CASR: variants seen among roughly 807,000 people sequenced by gnomAD.
CASR encodes calcium sensing receptor, also known as extracellular calcium-sensing receptor.
CASR carries 23 observed loss-of-function variants against 69.1 expected under a neutral mutation model. The observed-to-expected ratio is 0.33, with a 90% CI of 0.24 to 0.47. The LOEUF (loss-of-function observed/expected upper bound fraction) is 0.47. Ranked by LOEUF, CASR falls within the 20% of genes least tolerant of loss-of-function variation. CASR has a pLI of 1.00. For missense variants in CASR, 924 were observed against 1,356.1 expected, an observed-to-expected ratio of 0.68 and a Z score of 5.00; for synonymous variants, 541 against 544.7, an observed-to-expected ratio of 0.99 and a Z score of 0.10.
chr3:122,260,429 C>A (rs2074606719), intron 3 of CASR, among the ~76,000 whole-genome samples: 1 of 152,216 alleles, frequency 6.6e-6, no homozygotes, highest in Non-Finnish European at 1.5e-5. Context: ...AAGACAGCTT[C>A]TCCAGGGTTC....
chr3:122,236,278 A>T (rs1484455863), intron 1 of CASR, among the ~76,000 whole-genome samples: 1 of 152,248 alleles, frequency 6.6e-6, no homozygotes, highest in Non-Finnish European at 1.5e-5. Context: ...GAACAGCTTC[A>T]GGTGTCCTTA....
intron 1 of CASR, among the ~76,000 whole-genome samples, chr3:122,252,334 G>GA (rs2074492286): frequency 2.1e-5 from 1 of 48,422 alleles, no homozygotes; most frequent in Admixed American, 3.0e-4. Flanking sequence ...AAGAAAGAGA[G>GA]AGAAAGAAAG....
intron 1 of CASR, among the ~76,000 whole-genome samples, chr3:122,196,184 G>T (rs1217465605): frequency 6.6e-6 from 1 of 152,056 alleles, no homozygotes; most frequent in Non-Finnish European, 1.5e-5. Context: ...ATAGAAATGT[G>T]TTCATGATAT....
intron 1 of CASR, among the ~76,000 whole-genome samples, chr3:122,190,259 A>G (rs1405973109): frequency 6.6e-6 from 1 of 152,194 alleles, no homozygotes; most frequent in Non-Finnish European, 1.5e-5. Flanking sequence ...GTGCTTGTCG[A>G]TTAAGAGATT....
At chr3:122,224,783 C>G (rs2074206642) in intron 1 of CASR, among the ~76,000 whole-genome samples, 1 of 152,272 alleles carries the variant, frequency 6.6e-6, no homozygotes, top group South Asian at 2.1e-4. Context: ...CACTCCCTGA[C>G]TTCAAACTAT....
intron 3 of CASR, among the ~76,000 whole-genome samples, chr3:122,259,534 T>C (rs1410520237): frequency 3.3e-5 from 5 of 151,804 alleles, no homozygotes; most frequent in Non-Finnish European, 7.4e-5. Flanking sequence ...TCATACTTAC[T>C]TTTTAGTCAA....
chr3:122,236,718 C>T (rs1348001220), intron 1 of CASR, among the ~76,000 whole-genome samples: 5 of 152,108 alleles, frequency 3.3e-5, no homozygotes, highest in Non-Finnish European at 7.3e-5. Flanking sequence ...TTCTTTTAAC[C>T]TCAGGTCAGC....
chr3:122,254,249 C>T lies in CASR; in HGVS notation c.60C>T (p.Tyr20=), dbSNP rs201564143. The T allele has an allele frequency of 6.8e-5, 109 of 1,613,834 alleles. No homozygotes were observed. The highest frequency in any genetic ancestry group is 1.5e-4 in the Admixed American group (9 of 60,006). The part of the protein sequence containing the change: ...LLALTWHTSA[Y]GPDQRAQKKG... ...CACTCACCTGGCACACCTCTGCCTA[C>T]GGGCCAGACCAGCGAGCCCAAAAGA... The change falls in exon 2 of 7, where the codon TAC becomes TAT. Residue 20 remains tyrosine, a synonymous_variant. Transcript: ENST00000639785.
rs2075010598 is a variant in CASR, at chr3:122,291,344, C to G, written c.*6153C>G. The G allele has an allele frequency of 6.6e-6, 1 of 151,154 alleles. No individual in the cohort carries two copies. Among genetic ancestry groups the G allele is most frequent in the Admixed American group, 6.6e-5 (1 of 15,118 alleles). The allele number at this position is 151,154 out of a possible 1,614,324, so 9.4% of individuals were successfully genotyped here. A position where few individuals can be genotyped will look rare whatever the true frequency, so the allele number is the denominator to read the frequency against. On this transcript the variant is annotated 3_prime_UTR_variant, in exon 7 of 7. Transcript: ENST00000639785. ...TGGTTGAACTAGTTTACAGTCCCAC[C>G]AACAGTGTAAAAGTGTTCCTATTTC...
chr3:122,235,602 C>T (rs2107611227), intron 1 of CASR, among the ~76,000 whole-genome samples: 1 of 152,232 alleles, frequency 6.6e-6, no homozygotes, highest in Non-Finnish European at 1.5e-5. Context: ...TCAGAAGAAT[C>T]CTGGGCAATA....
intron 4 of CASR, among the ~76,000 whole-genome samples, chr3:122,263,413 C>T (rs1403270644): frequency 1.3e-5 from 2 of 152,190 alleles, no homozygotes; most frequent in Admixed American, 1.3e-4. Context: ...CATTAAATGA[C>T]ATGATATATG....
intron 4 of CASR, among the ~76,000 whole-genome samples, chr3:122,264,411 G>T (rs2074663283): frequency 6.6e-6 from 1 of 152,182 alleles, no homozygotes; most frequent in African/African-American, 2.4e-5. Context: ...CTAAGTCATG[G>T]ATCCATCCCT....
At position 122,261,595 on chromosome 3, in the gene CASR, T is replaced by C. The variant is rs754602260; in HGVS notation, c.560T>C (p.Ile187Thr). Residue 187 changes from isoleucine (I) to threonine (T), a missense_variant, in exon 4 of 7, where the codon ATC becomes ACC. By Grantham distance (89) the Ile-to-Thr change is moderately conservative. Transcript: ENST00000639785. ...KNQFKSFLRT[I>T]PNDEHQATAM... is the part of the protein sequence containing the mutation. The stretch of plus-strand genomic sequence containing the variant: ...CAATTCAAGTCTTTCCTCCGAACCA[T>C]CCCCAATGATGAGCACCAGGCCACT... The C allele has an allele frequency of 2.5e-6, 4 of 1,614,000 alleles. No homozygotes were observed. The highest frequency in any genetic ancestry group is 3.4e-6 in the Non-Finnish European group (4 of 1,180,010).
intron 1 of CASR, chr3:122,245,527 A>T (rs3851982): frequency 6.6e-6 from 1 of 151,984 alleles, no homozygotes; most frequent in African/African-American, 2.4e-5. Context: ...AAGGAATGAT[A>T]GGCATGTGGT....
chr3:122,260,352 T>C (rs1559958116), intron 3 of CASR, among the ~76,000 whole-genome samples: 1 of 152,236 alleles, frequency 6.6e-6, no homozygotes. Context: ...AAGACTTTCT[T>C]CCCTTGGTAG....
intron 2 of CASR, among the ~76,000 whole-genome samples, chr3:122,254,751 T>C (rs2074537336): frequency 6.6e-6 from 1 of 152,158 alleles, no homozygotes; most frequent in Non-Finnish European, 1.5e-5. Context: ...CCTTACATGC[T>C]CCAATGGATA....
chr3:122,283,512 C>T (rs1252750342), intron 6 of CASR, among the ~76,000 whole-genome samples, 175 bp from the exon 7 acceptor site: 2 of 152,196 alleles, frequency 1.3e-5, no homozygotes, highest in Non-Finnish European at 2.9e-5. Context: ...TGTTATTAAA[C>T]ATGTCGGGGT....
intron 6 of CASR, 38 bp from the exon 7 acceptor site, chr3:122,283,649 C>G: frequency 6.4e-7 from 1 of 1,566,928 alleles, no homozygotes; most frequent in Non-Finnish European, 8.8e-7. Flanking sequence ...TTAGTCTGTG[C>G]CACACAATAA....
intron 5 of CASR, 146 bp downstream of exon 5, chr3:122,276,188 C>G (rs568732546): frequency 1.4e-5 from 10 of 693,178 alleles, no homozygotes; most frequent in Non-Finnish European, 1.1e-5. Flanking sequence ...AATCTTGGGG[C>G]TCCCTGTGAA....
Sources: allele counts gnomAD v4.1 joint callset (sites outside exome capture counted in the v4.1 genomes callset), GRCh38; gene constraint gnomAD v4.1.1; transcripts MANE v1.5; gene names NCBI Gene and HGNC (gene_info 2026-07-23, HGNC 2026-07-21).